STAU2: variants seen among roughly 807,000 people sequenced by gnomAD.
STAU2 encodes the protein staufen double-stranded RNA binding protein 2.
In STAU2, 20 loss-of-function variants were observed where a neutral mutation model predicts 65.9. The ratio of observed to expected loss-of-function variants is 0.30; its 90% CI spans 0.21 to 0.44. STAU2 has a LOEUF of 0.44. Ranked by LOEUF, STAU2 falls within the 20% of genes least tolerant of loss-of-function variation. STAU2 has a pLI of 1.00. For synonymous variants in STAU2, 232 were observed against 233.9 expected, an observed-to-expected ratio of 0.99 and a Z score of 0.07; for missense variants, 558 against 683.9, an observed-to-expected ratio of 0.82 and a Z score of 2.05.
intron 12 of STAU2, among the ~76,000 whole-genome samples, chr8:73,553,615 A>C (rs531209889): frequency 6.6e-6 from 1 of 152,166 alleles, no homozygotes; most frequent in African/African-American, 2.4e-5. Context: ...TAAAACAGCT[A>C]ACACTTTGGG....
chr8:73,631,323 C>T (rs765559680), intron 6 of STAU2, among the ~76,000 whole-genome samples: 11 of 150,892 alleles, frequency 7.3e-5, no homozygotes, highest in East Asian at 3.9e-4. Context: ...TGTACCCTTG[C>T]GGTTTGAGTA....
At chr8:73,482,273 G>A (rs1820672613) in intron 13 of STAU2, among the ~76,000 whole-genome samples, 1 of 151,612 alleles carries the variant, frequency 6.6e-6, no homozygotes. Flanking sequence ...TTCCCACCGG[G>A]GCCACCATAG....
At chr8:73,423,030 C>T (rs567550161) in intron 13 of STAU2, among the ~76,000 whole-genome samples, 1 of 152,326 alleles carries the variant, frequency 6.6e-6, no homozygotes, top group Admixed American at 6.5e-5. Context: ...GTTACTGAAA[C>T]TACACATTCT....
At chr8:73,590,003 G>T (rs908254858) in intron 11 of STAU2, among the ~76,000 whole-genome samples, 1 of 150,754 alleles carries the variant, frequency 6.6e-6, no homozygotes, top group African/African-American at 2.5e-5. Context: ...GGAGAAGGAA[G>T]AGGGAAGAGG....
chr8:73,613,993 G>A, intron 8 of STAU2, 37 bp from the exon 9 acceptor site: 1 of 1,475,326 alleles, frequency 6.8e-7, no homozygotes. Context: ...TAATGGATAG[G>A]CACTTGAGAT....
chr8:73,673,320 G>C (rs187070831), intron 5 of STAU2, 78 bp from the exon 6 acceptor site: 20 of 1,318,904 alleles, frequency 1.5e-5, no homozygotes, highest in African/African-American at 1.0e-4. Flanking sequence ...TTTATACAAC[G>C]CTTAAATACC....
At chr8:73,460,421 G>A (rs934917768) in intron 13 of STAU2, among the ~76,000 whole-genome samples, 4 of 152,204 alleles carry the variant, frequency 2.6e-5, no homozygotes, top group Admixed American at 2.6e-4. Flanking sequence ...TACTACAGGG[G>A]ACGAGAGAGG....
chr8:73,734,386 TC>T (rs1806282719), intron 3 of STAU2, among the ~76,000 whole-genome samples: 1 of 152,096 alleles, frequency 6.6e-6, no homozygotes, highest in Non-Finnish European at 1.5e-5. Flanking sequence ...ACATGGAACA[TC>T]CATGTTCTAT....
intron 3 of STAU2, among the ~76,000 whole-genome samples, chr8:73,716,255 A>T (rs2130682370): frequency 6.6e-6 from 1 of 151,916 alleles, no homozygotes; most frequent in African/African-American, 2.4e-5. Flanking sequence ...CGCCCAGCTA[A>T]TTTTTTGTAT....
intron 10 of STAU2, among the ~76,000 whole-genome samples, chr8:73,599,017 T>C (rs1309952140): frequency 6.6e-6 from 1 of 152,230 alleles, no homozygotes; most frequent in East Asian, 1.9e-4. Context: ...TGTTCATGGA[T>C]TGAAGACAAT....
intron 4 of STAU2, among the ~76,000 whole-genome samples, chr8:73,698,834 A>G (rs1457549423): frequency 2.0e-5 from 3 of 151,838 alleles, no homozygotes; most frequent in Non-Finnish European, 2.9e-5. Flanking sequence ...ATTTCATCCA[A>G]TGGCTGCAGA....
chr8:73,724,716 G>A (rs999464467), intron 3 of STAU2, among the ~76,000 whole-genome samples: 1 of 146,966 alleles, frequency 6.8e-6, no homozygotes, highest in South Asian at 2.1e-4. Flanking sequence ...CTGAGTCAAG[G>A]TCCCACTCTG....
chr8:73,702,547 C>T (rs947304261), intron 4 of STAU2, among the ~76,000 whole-genome samples: 19 of 151,908 alleles, frequency 1.3e-4, no homozygotes, highest in South Asian at 4.1e-4. Flanking sequence ...AATATATATA[C>T]CTACTATGTA....
At chr8:73,683,650 A>T (rs565709687) in intron 5 of STAU2, among the ~76,000 whole-genome samples, 7 of 152,256 alleles carry the variant, frequency 4.6e-5, no homozygotes, top group Admixed American at 1.3e-4. Flanking sequence ...ATCCAAATCG[A>T]TAAAGAGGAA....
intron 6 of STAU2, among the ~76,000 whole-genome samples, chr8:73,667,977 A>T (rs1383114772): frequency 6.6e-6 from 1 of 152,094 alleles, no homozygotes; most frequent in Non-Finnish European, 1.5e-5. Context: ...AAATAATTGT[A>T]CCCTGCGGAG....
chr8:73,719,202 G>C (rs1821472658), intron 3 of STAU2, among the ~76,000 whole-genome samples: 1 of 152,152 alleles, frequency 6.6e-6, no homozygotes, highest in African/African-American at 2.4e-5. Flanking sequence ...AGGAGATCGA[G>C]ACCATCTTGG....
chr8:73,452,576 T>C (rs1818856037), intron 13 of STAU2, among the ~76,000 whole-genome samples: 1 of 152,222 alleles, frequency 6.6e-6, no homozygotes, highest in Non-Finnish European at 1.5e-5. Flanking sequence ...TCCCTCTCCT[T>C]CCTGTCACTA....
intron 12 of STAU2, among the ~76,000 whole-genome samples, chr8:73,579,202 ATC>A (rs1198654142): frequency 6.6e-6 from 1 of 152,250 alleles, no homozygotes; most frequent in Non-Finnish European, 1.5e-5. Context: ...TAAGAATGCT[ATC>A]TCATTCCACA....
intron 13 of STAU2, among the ~76,000 whole-genome samples, chr8:73,493,206 C>G: frequency 6.6e-6 from 1 of 151,628 alleles, no homozygotes; most frequent in Non-Finnish European, 1.5e-5. Flanking sequence ...AAGAGAAAAT[C>G]TTCACAAATT....
Sources: allele counts gnomAD v4.1 joint callset (sites outside exome capture counted in the v4.1 genomes callset), GRCh38; gene constraint gnomAD v4.1.1; transcripts MANE v1.5; gene names NCBI Gene and HGNC (gene_info 2026-07-23, HGNC 2026-07-21).